STIM2: variants seen among roughly 807,000 people sequenced by gnomAD.
STIM2 encodes the protein stromal interaction molecule 2.
Under a neutral mutation model 85.8 loss-of-function variants are expected in STIM2, and 31 were observed. That is an observed-to-expected ratio of 0.36 (90% confidence interval 0.27 to 0.49). The LOEUF (loss-of-function observed/expected upper bound fraction) is 0.49, where lower values mean the gene tolerates loss of function less well. STIM2 is among the 20% of genes least tolerant of loss of function. STIM2 has a pLI of 0.98. For missense variants in STIM2, 841 were observed against 927.6 expected, an observed-to-expected ratio of 0.91 and a Z score of 1.21; for synonymous variants, 356 against 331.1, an observed-to-expected ratio of 1.08 and a Z score of -0.82.
At chr4:26,862,607 G>A (rs1045688088) in intron 1 of STIM2, among the ~76,000 whole-genome samples, 2 of 152,170 alleles carry the variant, frequency 1.3e-5, no homozygotes, top group Non-Finnish European at 2.9e-5. Context: ...AGGATGTAGA[G>A]TATAGAACAT....
In STIM2 at chr4:26,954,802, G is replaced by A. The variant is rs1055498008; in HGVS notation, c.283-2810G>A. 3.5e-4 allele frequency among the ~76,000 whole-genome samples: 51 copies of A among 147,576 alleles called. 8 individuals are homozygous for A. The highest frequency in any genetic ancestry group is 2.1e-4 in the South Asian group (1 of 4,664). The stretch of plus-strand genomic sequence containing the variant: ...TTATACTGGTTTCTAGTCACATTCC[G>A]TGATCAGCATGTTGAAGATCTGTAA... On this transcript the variant is annotated intron_variant, in intron 2 of 11. Transcript: ENST00000467087.
At chr4:26,967,303 G>A (rs1401967055) in intron 3 of STIM2, among the ~76,000 whole-genome samples, 2 of 152,180 alleles carry the variant, frequency 1.3e-5, no homozygotes, top group Non-Finnish European at 2.9e-5. Flanking sequence ...AATAATTGAA[G>A]TCATATAAAT....
chr4:26,874,331 C>G (rs1453920113), intron 1 of STIM2: 2 of 308,004 alleles, frequency 6.5e-6, no homozygotes, highest in Non-Finnish European at 1.3e-5. Flanking sequence ...GCCCCTACAC[C>G]CTGCCGCTGA....
At chr4:26,969,819 T>G (rs1457383422) in intron 3 of STIM2, among the ~76,000 whole-genome samples, 1 of 152,156 alleles carries the variant, frequency 6.6e-6, no homozygotes, top group Non-Finnish European at 1.5e-5. Flanking sequence ...TCACTCTAGA[T>G]TCTAGTGGAA....
chr4:26,944,664 G>A (rs1020561460), intron 2 of STIM2, among the ~76,000 whole-genome samples: 1 of 152,132 alleles, frequency 6.6e-6, no homozygotes, highest in Non-Finnish European at 1.5e-5. Flanking sequence ...TTTCTATTGT[G>A]TAATAATCTT....
chr4:26,865,474 G>A (rs1448178770), intron 1 of STIM2, among the ~76,000 whole-genome samples: 1 of 152,122 alleles, frequency 6.6e-6, no homozygotes, highest in Non-Finnish European at 1.5e-5. Context: ...TTGCTTTGTG[G>A]CTGGATACAT....
chr4:27,022,877 G>C lies in STIM2; in HGVS notation c.2122G>C (p.Val708Leu). 6.2e-7 allele frequency: 1 copy of C among 1,614,202 alleles called. No individual in the cohort carries two copies. The highest frequency in any genetic ancestry group is 8.5e-7 in the Non-Finnish European group (1 of 1,180,042). ...CTCAGCTGGCAACGACAGTAAACCA[G>C]TTCAGGAAGCCCCAAGTGTTGCCAG... is the stretch of plus-strand genomic sequence containing the variant. The change falls in exon 12 of 12, where the codon GTT becomes CTT. Residue 708 changes from valine (V) to leucine (L), a missense_variant. Coordinates refer to ENST00000467087, the MANE Select transcript of STIM2 (RefSeq NM_020860.4).
chr4:26,978,448 C>T (rs978786157), intron 3 of STIM2, among the ~76,000 whole-genome samples: 2 of 152,082 alleles, frequency 1.3e-5, no homozygotes, highest in Non-Finnish European at 2.9e-5. Context: ...GCTTAATCCA[C>T]CCTGGCCCAG....
At position 27,022,561 on chromosome 4, in the gene STIM2, T is replaced by A. The variant is rs747300633; in HGVS notation, c.1806T>A (p.Ser602=). The stretch of plus-strand genomic sequence containing the variant: ...CTTCAGAATGTGACTCCTTAAATTC[T>A]TCCATTGGAAGGAAACAGTCTCCTC... Residue 602 remains serine (S), a synonymous_variant, in exon 12 of 12, where the codon TCT becomes TCA. Transcript: ENST00000467087. 1 of 1,607,816 alleles carries A rather than the reference T, an allele frequency of 6.2e-7. No individual in the cohort carries two copies. The highest frequency in any genetic ancestry group is 8.5e-7 in the Non-Finnish European group (1 of 1,174,810).
chr4:26,942,259 C>T (rs1185299750), intron 2 of STIM2, among the ~76,000 whole-genome samples: 1 of 152,112 alleles, frequency 6.6e-6, no homozygotes. Context: ...TACCTGTGTA[C>T]TTGATCTCAT....
chr4:26,916,170 G>T (rs966438372), intron 1 of STIM2, among the ~76,000 whole-genome samples: 1 of 152,148 alleles, frequency 6.6e-6, no homozygotes, highest in African/African-American at 2.4e-5. Context: ...AACTAAAAAC[G>T]AAAAGAGACA....
chr4:26,994,990 C>G (rs1210891975), intron 3 of STIM2, among the ~76,000 whole-genome samples: 6 of 152,006 alleles, frequency 3.9e-5, no homozygotes, highest in Admixed American at 3.9e-4. Flanking sequence ...TGCCATATGC[C>G]CAGTGCTTAG....
intron 3 of STIM2, among the ~76,000 whole-genome samples, chr4:26,976,911 G>T (rs896771438): frequency 6.6e-6 from 1 of 152,284 alleles, no homozygotes; most frequent in South Asian, 2.1e-4. Flanking sequence ...TGGAGTTAAC[G>T]CTCTTTTAGA....
chr4:26,984,678 T>C (rs2109116391), intron 3 of STIM2, among the ~76,000 whole-genome samples: 1 of 152,342 alleles, frequency 6.6e-6, no homozygotes, highest in Non-Finnish European at 1.5e-5. Context: ...CAATTTCTAA[T>C]TTTAAGATAT....
chr4:26,953,109 C>T (rs1726116690), intron 2 of STIM2, among the ~76,000 whole-genome samples: 1 of 152,122 alleles, frequency 6.6e-6, no homozygotes, highest in African/African-American at 2.4e-5. Context: ...TTGGGAAAGT[C>T]TCTGCTTACA....
intron 3 of STIM2, among the ~76,000 whole-genome samples, chr4:26,962,559 AGTGTGTGTGTGTGT>A (rs34301656): frequency 1.8e-4 from 25 of 142,720 alleles, no homozygotes; most frequent in African/African-American, 6.3e-4. Flanking sequence ...ACTTTAATGC[AGTGTGTGTGTGTGT>A]GTGTGTGTGT....
At chr4:26,887,183 C>CTTTTTTTTTTTTTTTTTTT (rs34736602) in intron 1 of STIM2, among the ~76,000 whole-genome samples, 2 of 70,954 alleles carry the variant, frequency 2.8e-5, no homozygotes, top group Non-Finnish European at 5.1e-5. Flanking sequence ...AATAATTAAA[C>CTTTTTTTTTTTTTTTTTTT]TTTTTTTTTT....
At chr4:26,914,567 C>T (rs1724462876) in intron 1 of STIM2, among the ~76,000 whole-genome samples, 1 of 152,132 alleles carries the variant, frequency 6.6e-6, no homozygotes, top group Admixed American at 6.5e-5. Context: ...AGCTTCTAAC[C>T]TAGACTCTGG....
intron 2 of STIM2, among the ~76,000 whole-genome samples, chr4:26,940,232 G>T (rs1322829250): frequency 6.6e-6 from 1 of 152,128 alleles, no homozygotes; most frequent in Non-Finnish European, 1.5e-5. Flanking sequence ...CCTTCTTCCT[G>T]CTCTTGCCTT....
Sources: gnomAD v4.1 joint callset for allele counts (sites outside exome capture counted in the v4.1 genomes callset) on GRCh38, gnomAD v4.1.1 for gene constraint, MANE v1.5 for transcripts, NCBI Gene and HGNC (gene_info 2026-07-23, HGNC 2026-07-21) for gene names.